The following DLGAP1 variants were observed in gnomAD, a reference collection of about 807,000 sequenced individuals.
DLGAP1 encodes disks large-associated protein 1.
In DLGAP1, 11 loss-of-function variants were observed where a neutral mutation model predicts 90.8. The ratio of observed to expected loss-of-function variants is 0.12; its 90% CI spans 0.08 to 0.20. The LOEUF (loss-of-function observed/expected upper bound fraction) is 0.20. DLGAP1 is among the 10% of genes least tolerant of loss of function. The pLI, the probability that DLGAP1 is intolerant of heterozygous loss-of-function variation, is 1.00. For missense variants in DLGAP1, 1,050 were observed against 1,333.8 expected, an observed-to-expected ratio of 0.79 and a Z score of 3.31; for synonymous variants, 558 against 540.7, an observed-to-expected ratio of 1.03 and a Z score of -0.44.
intron 1 of DLGAP1, among the ~76,000 whole-genome samples, chr18:4,324,986 A>G (rs1404118736): frequency 6.6e-6 from 1 of 152,176 alleles, no homozygotes; most frequent in African/African-American, 2.4e-5. Context: ...TACTACTCCT[A>G]TTCAACATGG....
intron 3 of DLGAP1, among the ~76,000 whole-genome samples, chr18:3,978,783 G>A (rs1220390689): frequency 6.6e-6 from 1 of 152,128 alleles, no homozygotes; most frequent in Non-Finnish European, 1.5e-5. Context: ...TTTTTTTATG[G>A]GTTGACGTTG....
At chr18:4,415,058 C>CAT (rs4057923) in intron 1 of DLGAP1, among the ~76,000 whole-genome samples, 8,427 of 150,632 alleles carry the variant, frequency 0.056, 413 homozygotes, top group African/African-American at 0.13. Context: ...CACACATACA[C>CAT]ATATATATAT....
intron 3 of DLGAP1, among the ~76,000 whole-genome samples, chr18:4,002,604 C>T (rs927099731): frequency 6.6e-6 from 1 of 152,140 alleles, no homozygotes; most frequent in Non-Finnish European, 1.5e-5. Context: ...ATACATATTA[C>T]ATATAACATA....
intron 11 of DLGAP1, among the ~76,000 whole-genome samples, chr18:3,504,941 T>C (rs2050135912): frequency 6.6e-6 from 1 of 152,146 alleles, no homozygotes; most frequent in Non-Finnish European, 1.5e-5. Context: ...CAAGGGAGGC[T>C]GGGGTCCTTG....
intron 2 of DLGAP1, among the ~76,000 whole-genome samples, chr18:4,079,049 A>T (rs1394702768): frequency 6.6e-6 from 1 of 152,154 alleles, no homozygotes; most frequent in African/African-American, 2.4e-5. Context: ...TTGGCAGAAG[A>T]CACCTGAAGT....
chr18:3,753,256 A>G (rs1227288789), intron 5 of DLGAP1, among the ~76,000 whole-genome samples: 1 of 152,186 alleles, frequency 6.6e-6, no homozygotes, highest in Non-Finnish European at 1.5e-5. Flanking sequence ...GGATATGCCC[A>G]TTGCCCTGCT....
At chr18:3,758,109 GA>G (rs1318845697) in intron 5 of DLGAP1, among the ~76,000 whole-genome samples, 3,657 of 72,000 alleles carry the variant, frequency 0.051, 79 homozygotes, top group African/African-American at 0.1. Context: ...TCTATCTTGA[GA>G]AAAAAAAAAA....
At chr18:4,002,956 C>G (rs558595296) in intron 3 of DLGAP1, among the ~76,000 whole-genome samples, 2 of 152,238 alleles carry the variant, frequency 1.3e-5, no homozygotes, top group East Asian at 3.9e-4. Flanking sequence ...CTTGAGTGTT[C>G]TGGATGCTGA....
intron 3 of DLGAP1, among the ~76,000 whole-genome samples, chr18:3,951,630 T>A (rs2072986867): frequency 6.6e-6 from 1 of 152,222 alleles, no homozygotes; most frequent in South Asian, 2.1e-4. Flanking sequence ...AAATCTCATC[T>A]TGAATTGTAA....
intron 1 of DLGAP1, among the ~76,000 whole-genome samples, chr18:4,338,798 C>A (rs2081127349): frequency 6.6e-6 from 1 of 152,270 alleles, no homozygotes; most frequent in Middle Eastern, 3.4e-3. Flanking sequence ...CCTATGTGAT[C>A]ATCTATGAAT....
chr18:3,696,584 C>T (rs2061102040), intron 7 of DLGAP1, among the ~76,000 whole-genome samples: 1 of 152,182 alleles, frequency 6.6e-6, no homozygotes. Context: ...TGAAGTGACA[C>T]TTGGTTCGGT....
At chr18:4,286,110 A>C (rs1329054164) in intron 1 of DLGAP1, among the ~76,000 whole-genome samples, 1 of 152,158 alleles carries the variant, frequency 6.6e-6, no homozygotes, top group East Asian at 1.9e-4. Flanking sequence ...CTGTCAAAGG[A>C]CTGACTCTGG....
chr18:3,814,320 T>A, intron 4 of DLGAP1, 47 bp from the exon 5 acceptor site: 37 of 1,494,478 alleles, frequency 2.5e-5, no homozygotes, highest in Non-Finnish European at 2.9e-5. Context: ...AAAGCCTACC[T>A]TTTTCTTTTC....
chr18:3,821,476 A>G (rs1159341559), intron 4 of DLGAP1, among the ~76,000 whole-genome samples: 1 of 152,100 alleles, frequency 6.6e-6, no homozygotes. Flanking sequence ...GCACGCTCCC[A>G]CTCAACAGTC....
At chr18:4,045,709 A>AT (rs147781507) in intron 2 of DLGAP1, among the ~76,000 whole-genome samples, 9,244 of 150,154 alleles carry the variant, frequency 0.062, 383 homozygotes, top group Non-Finnish European at 0.094. Context: ...TGTTAATTAG[A>AT]TTTTTTTTGT....
intron 1 of DLGAP1, among the ~76,000 whole-genome samples, chr18:4,452,432 T>G (rs1192807508): frequency 6.6e-6 from 1 of 151,946 alleles, no homozygotes; most frequent in Non-Finnish European, 1.5e-5. Flanking sequence ...CTAAAATGAG[T>G]ACTTTGTAAA....
chr18:3,910,414 G>A (rs2072006173), intron 3 of DLGAP1, among the ~76,000 whole-genome samples: 1 of 152,128 alleles, frequency 6.6e-6, no homozygotes, highest in Non-Finnish European at 1.5e-5. Flanking sequence ...AGCATGGAGA[G>A]TGATGTCTGG....
chr18:4,276,549 T>C (rs1405560546), intron 1 of DLGAP1, among the ~76,000 whole-genome samples: 1 of 151,568 alleles, frequency 6.6e-6, no homozygotes, highest in Non-Finnish European at 1.5e-5. Context: ...GGTGGGAGAC[T>C]CACTTTAACC....
At chr18:4,201,398 A>AT (rs900980452) in intron 1 of DLGAP1, among the ~76,000 whole-genome samples, 8 of 151,790 alleles carry the variant, frequency 5.3e-5, no homozygotes, top group South Asian at 2.1e-4. Flanking sequence ...CCAATGTATG[A>AT]TTTTTTCAGC....
Sources: gnomAD v4.1 joint callset for allele counts (sites outside exome capture counted in the v4.1 genomes callset) on GRCh38, gnomAD v4.1.1 for gene constraint, MANE v1.5 for transcripts, NCBI Gene and HGNC (gene_info 2026-07-23, HGNC 2026-07-21) for gene names.